Variants in KLHDC4 observed in about 807,000 individuals in gnomAD.
KLHDC4 encodes kelch domain-containing protein 4.
A neutral mutation model predicts 62.4 loss-of-function variants in KLHDC4; 90 were observed. The observed-to-expected ratio is 1.44, with a 90% CI of 1.22 to 1.72. The LOEUF (loss-of-function observed/expected upper bound fraction) is 1.72, where lower values mean the gene tolerates loss of function less well. Among genes scored for constraint, KLHDC4 ranks in the 40% most tolerant of loss-of-function variants. The probability of loss-of-function intolerance (pLI) is 0.00; values close to 1 mark genes in which losing one functional copy is unlikely to be tolerated. For synonymous variants in KLHDC4, 386 were observed against 284.4 expected (o/e 1.36, Z -3.59); for missense variants, 1,025 against 699.7 (o/e 1.47, Z -5.25).
At chr16:87,747,077 C>T (rs1485053288) in intron 5 of KLHDC4, among the ~76,000 whole-genome samples, 1 of 152,214 alleles carries the variant, frequency 6.6e-6, no homozygotes, top group Non-Finnish European at 1.5e-5. Flanking sequence ...CATCCCTATT[C>T]CCTTGGAACA....
chr16:87,753,947 T>A (rs977291473), intron 4 of KLHDC4, among the ~76,000 whole-genome samples: 1 of 130,982 alleles, frequency 7.6e-6, no homozygotes, highest in African/African-American at 3.0e-5. Context: ...TACTCTTACC[T>A]GGGTGACAGC....
At chr16:87,725,086 C>T (rs2039104846) in intron 7 of KLHDC4, among the ~76,000 whole-genome samples, 7 of 97,896 alleles carry the variant, frequency 7.2e-5, no homozygotes, top group Admixed American at 6.3e-4. Context: ...ACTGGCCCCA[C>T]ACATCTGGGT....
At chr16:87,753,257 A>T (rs180773200) in intron 4 of KLHDC4, among the ~76,000 whole-genome samples, 7 of 152,248 alleles carry the variant, frequency 4.6e-5, no homozygotes, top group African/African-American at 1.7e-4. Context: ...AGGAACCACC[A>T]CTGTGAAGAC....
In KLHDC4 at chr16:87,755,293, C is replaced by G; in HGVS notation, c.271-1G>C. 1 of 1,550,302 alleles carries G rather than the reference C, an allele frequency of 6.5e-7. No homozygotes were observed. Among genetic ancestry groups the G allele is most frequent in the Non-Finnish European group, 8.9e-7 (1 of 1,122,992 alleles). On this transcript the variant is annotated splice_acceptor_variant, in intron 3 of 11. Coordinates refer to ENST00000270583, the MANE Select transcript of KLHDC4 (RefSeq NM_017566.4). LOFTEE classifies it high-confidence loss of function. ...CATAGAGCTCGTTATACAAAAAAGT[C>G]TACAGGAAGGAAGAAGAATGTCAGT...
chr16:87,712,103 T>C (rs2035999565), intron 8 of KLHDC4, among the ~76,000 whole-genome samples: 1 of 152,106 alleles, frequency 6.6e-6, no homozygotes, highest in African/African-American at 2.4e-5. Flanking sequence ...TCTGAGTGCC[T>C]GCACCAGCCC....
intron 7 of KLHDC4, among the ~76,000 whole-genome samples, chr16:87,721,152 G>C (rs919605080): frequency 8.5e-5 from 13 of 152,224 alleles, no homozygotes; most frequent in African/African-American, 3.1e-4. Flanking sequence ...CGGGCATAGT[G>C]GCTCATGCCT....
chr16:87,762,875 C>G (rs1019719814), intron 1 of KLHDC4, among the ~76,000 whole-genome samples: 2 of 152,090 alleles, frequency 1.3e-5, no homozygotes, highest in African/African-American at 2.4e-5. Flanking sequence ...ACTACACACA[C>G]CTGCAGACCA....
intron 2 of KLHDC4, among the ~76,000 whole-genome samples, chr16:87,761,184 C>T (rs1359073131): frequency 1.3e-5 from 2 of 152,198 alleles, no homozygotes; most frequent in African/African-American, 2.4e-5. Context: ...GCTCCAACAC[C>T]ACTCACTCTG....
chr16:87,725,913 TACTACACAGTAGTGA>T (rs1463639681), intron 7 of KLHDC4, among the ~76,000 whole-genome samples: 1 of 152,078 alleles, frequency 6.6e-6, no homozygotes, highest in Non-Finnish European at 1.5e-5. Flanking sequence ...CCACAGAGAC[TACTACACAGTAGTGA>T]GCGTCCATGG....
chr16:87,742,002 G>A (rs2042310648), intron 5 of KLHDC4, among the ~76,000 whole-genome samples: 1 of 152,178 alleles, frequency 6.6e-6, no homozygotes, highest in African/African-American at 2.4e-5. Context: ...CACGTGCTCT[G>A]CACGAGGCCT....
At chr16:87,717,067 C>CAAA (rs1198772860) in intron 7 of KLHDC4, among the ~76,000 whole-genome samples, 2 of 152,016 alleles carry the variant, frequency 1.3e-5, no homozygotes, top group Non-Finnish European at 2.9e-5. Flanking sequence ...CCATCTCTCC[C>CAAA]AAAAAATATG....
intron 4 of KLHDC4, among the ~76,000 whole-genome samples, chr16:87,752,335 T>C (rs986357891): frequency 1.5e-5 from 2 of 133,730 alleles, no homozygotes; most frequent in Admixed American, 8.0e-5. Flanking sequence ...AGCACTGTTT[T>C]TTCTTTTTTT....
rs552569078 is a variant in KLHDC4, at chr16:87,761,044, A to G, written c.191+905T>C. 5.3e-5 allele frequency among the ~76,000 whole-genome samples: 8 copies of G among 152,356 alleles called. 1 individual carries two copies. The South Asian group carries it at 1.4e-3, about 28-fold the overall frequency. On this transcript the variant is annotated intron_variant, in intron 2 of 11. Coordinates refer to ENST00000270583, the MANE Select transcript of KLHDC4 (RefSeq NM_017566.4). ...TGAGACTCCATCTCAAAAAGAAAAA[A>G]AAAAGTACATTTACCACATGTAACT...
At chr16:87,751,737 G>T (rs565339962) in intron 4 of KLHDC4, among the ~76,000 whole-genome samples, 11 of 151,938 alleles carry the variant, frequency 7.2e-5, no homozygotes, top group South Asian at 6.2e-4. Context: ...TTCACAACAA[G>T]CAAGACCCTA....
chr16:87,743,376 T>G (rs910342724), intron 5 of KLHDC4, among the ~76,000 whole-genome samples: 20 of 152,324 alleles, frequency 1.3e-4, no homozygotes, highest in African/African-American at 4.8e-4. Context: ...ATTACAGGCA[T>G]GAGCCACTGC....
intron 5 of KLHDC4, among the ~76,000 whole-genome samples, chr16:87,734,804 C>A (rs548544434): frequency 2.8e-4 from 42 of 152,270 alleles, no homozygotes; most frequent in African/African-American, 9.4e-4. Context: ...GCAGCTCCAT[C>A]CCCTCCGGGC....
intron 4 of KLHDC4, among the ~76,000 whole-genome samples, chr16:87,752,503 AT>A (rs2044170958): frequency 6.6e-6 from 1 of 151,840 alleles, no homozygotes; most frequent in African/African-American, 2.4e-5. Flanking sequence ...CGCCCAGGTA[AT>A]TTTTGTAGTT....
intron 5 of KLHDC4, among the ~76,000 whole-genome samples, chr16:87,745,077 G>C (rs1042248428): frequency 6.6e-6 from 1 of 152,246 alleles, no homozygotes; most frequent in Non-Finnish European, 1.5e-5. Flanking sequence ...TACGAAATAA[G>C]AGGAAGCATT....
intron 5 of KLHDC4, among the ~76,000 whole-genome samples, chr16:87,745,265 T>C (rs764659931): frequency 1.3e-5 from 2 of 151,758 alleles, no homozygotes. Flanking sequence ...GGGTGCCCTC[T>C]GCTCCGCCTT....
Sources: gnomAD v4.1 joint callset for allele counts (sites outside exome capture counted in the v4.1 genomes callset) on GRCh38, gnomAD v4.1.1 for gene constraint, MANE v1.5 for transcripts, NCBI Gene and HGNC (gene_info 2026-07-23, HGNC 2026-07-21) for gene names.